The following CBX1 variants were observed in gnomAD, a reference collection of about 807,000 sequenced individuals.
CBX1 encodes the protein chromobox protein homolog 1.
Under a neutral mutation model 25.1 loss-of-function variants are expected in CBX1, and 10 were observed. The ratio of observed to expected loss-of-function variants is 0.40; its 90% CI spans 0.25 to 0.68. The LOEUF (loss-of-function observed/expected upper bound fraction) is 0.68. CBX1 is among the 30% of genes least tolerant of loss of function. The pLI, the probability that CBX1 is intolerant of heterozygous loss-of-function variation, is 0.40. For missense variants in CBX1, 106 were observed against 218.5 expected, an observed-to-expected ratio of 0.49 and a Z score of 3.25; for synonymous variants, 63 against 79.4, an observed-to-expected ratio of 0.79 and a Z score of 1.10.
In CBX1 at chr17:48,077,088, T is replaced by G. The variant is rs913172992; in HGVS notation, c.-37-47A>C. On this transcript the variant is annotated intron_variant, in intron 1 of 4. Coordinates refer to ENST00000225603, the MANE Select transcript of CBX1 (RefSeq NM_001127228.2). ...AAAGGGCATTAGGGAGCACTCTTAT[T>G]GGTTAGATAATATCTGGATGGTAAG... 1.7e-4 allele frequency: 250 copies of G among 1,440,516 alleles called. 1 individual carries two copies. The highest frequency in any genetic ancestry group is 9.4e-5 in the Non-Finnish European group (100 of 1,060,844). 89.2% of individuals were successfully genotyped at this position (1,440,516 alleles called of 1,614,324 possible).
At chr17:48,088,646 T>C (rs1185127074) in intron 1 of CBX1, 1 of 150,032 alleles carries the variant, frequency 6.7e-6, no homozygotes, top group Non-Finnish European at 1.5e-5. Flanking sequence ...AAATAAAAAT[T>C]TCTTACTTTT....
intron 1 of CBX1, among the ~76,000 whole-genome samples, chr17:48,093,085 AAAAAG>A (rs1261698998): frequency 0.16 from 14,845 of 93,362 alleles, 1,942 homozygotes; most frequent in Non-Finnish European, 0.18. Flanking sequence ...AAAAAAAAAA[AAAAAG>A]AAAAGAAAAG....
At chr17:48,072,312 G>A (rs1290935268) in intron 4 of CBX1, among the ~76,000 whole-genome samples, 1 of 151,568 alleles carries the variant, frequency 6.6e-6, no homozygotes, top group Non-Finnish European at 1.5e-5. Context: ...CGCCCGGCCC[G>A]TAATAGGATT....
Position 48,070,975 on chromosome 17 carries a change from T to A in CBX1, c.*460A>T, listed in dbSNP as rs967643541. 1 of 152,904 alleles carries A rather than the reference T, an allele frequency of 6.5e-6. No individual in the cohort carries two copies. Among genetic ancestry groups the A allele is most frequent in the Admixed American group, 6.5e-5 (1 of 15,274 alleles). 9.5% of individuals were successfully genotyped at this position (152,904 alleles called of 1,614,324 possible). ...ATCAAAATGATGCTACCCATCTCCCTTTCTCCCCTCCCCATCCCTCCCTCC... is the reference window on the plus strand; with the variant it reads ...ATCAAAATGATGCTACCCATCTCCCATTCTCCCCTCCCCATCCCTCCCTCC... On this transcript the variant is annotated 3_prime_UTR_variant, in exon 5 of 5. Transcript: ENST00000225603.
intron 1 of CBX1, among the ~76,000 whole-genome samples, chr17:48,091,535 CTTTTTTTTTTT>C (rs4053473): frequency 4.2e-5 from 3 of 72,188 alleles, no homozygotes; most frequent in Admixed American, 1.9e-4. Context: ...CCACCATGCC[CTTTTTTTTTTT>C]TTTTTTTTTT....
At chr17:48,087,663 T>C (rs2063320236) in intron 1 of CBX1, among the ~76,000 whole-genome samples, 1 of 151,186 alleles carries the variant, frequency 6.6e-6, no homozygotes, top group Non-Finnish European at 1.5e-5. Context: ...CACTAGGTCA[T>C]GAGATCGAGA....
Position 48,071,423 on chromosome 17 carries a change from T to C in CBX1, c.*12A>G, listed in dbSNP as rs748954073. On this transcript the variant is annotated 3_prime_UTR_variant, in exon 5 of 5. Transcript: ENST00000225603. Reference sequence around the variant, plus strand: ...CACAGTCAGATGTGACAGGGGCTGGTACTCAGGAGCGTTAGTTCTTGTCAT... The same window carrying C: ...CACAGTCAGATGTGACAGGGGCTGGCACTCAGGAGCGTTAGTTCTTGTCAT... 8.7e-6 allele frequency: 14 copies of C among 1,600,166 alleles called. No homozygotes were observed. Among genetic ancestry groups the C allele is most frequent in the Non-Finnish European group, 1.2e-5 (14 of 1,174,118 alleles).
chr17:48,086,180 T>G (rs117988611), intron 1 of CBX1, among the ~76,000 whole-genome samples: 7,990 of 152,260 alleles, frequency 0.052, 299 homozygotes, highest in Middle Eastern at 0.078. Flanking sequence ...TAGCTCAATT[T>G]TAAGAGAAAG....
chr17:48,093,077 AAAAAAAAAAAAAG>A (rs1344835142), intron 1 of CBX1, among the ~76,000 whole-genome samples: 2 of 103,610 alleles, frequency 1.9e-5, no homozygotes, highest in Non-Finnish European at 2.2e-5. Context: ...TCTCAAAAAA[AAAAAAAAAAAAAG>A]AAAAGAAAAG....
At chr17:48,088,830 A>G (rs1463882990) in intron 1 of CBX1, 1 of 152,022 alleles carries the variant, frequency 6.6e-6, no homozygotes, top group Non-Finnish European at 1.5e-5. Flanking sequence ...ACATTATTCC[A>G]TAAAGATCTC....
At position 48,070,154 on chromosome 17, in the gene CBX1, A is replaced by T. The variant is rs1449014729; in HGVS notation, c.*1281T>A. 6.5e-6 allele frequency: 1 copy of T among 152,698 alleles called. No homozygotes were observed. The highest frequency in any genetic ancestry group is 2.4e-5 in the African/African-American group (1 of 41,474). The allele number at this position is 152,698 out of a possible 1,614,324, so 9.5% of individuals were successfully genotyped here. A position where few individuals can be genotyped will look rare whatever the true frequency, so the allele number is the denominator to read the frequency against. ...ACACAGAAATCTAACACATGCCTAA[A>T]AGAATTTTACAACGTAGCTCTAGAT... On this transcript the variant is annotated 3_prime_UTR_variant, in exon 5 of 5. Transcript: ENST00000225603.
chr17:48,095,443 G>T (rs1186474946), intron 1 of CBX1, among the ~76,000 whole-genome samples: 1 of 152,098 alleles, frequency 6.6e-6, no homozygotes, highest in African/African-American at 2.4e-5. Context: ...TGCAAAATTA[G>T]CTGGGCATGG....
At chr17:48,093,085 A>C (rs1370615893) in intron 1 of CBX1, among the ~76,000 whole-genome samples, 1 of 93,866 alleles carries the variant, frequency 1.1e-5, no homozygotes, top group African/African-American at 3.6e-5. Context: ...AAAAAAAAAA[A>C]AAAAGAAAAG....
In CBX1 at chr17:48,096,988, C is replaced by T. The variant is rs564218481; in HGVS notation, c.-38+4280G>A. On this transcript the variant is annotated intron_variant, in intron 1 of 4. Transcript: ENST00000225603. ...ACCACAAGTTGGGCGTGGTGGCTCACGCCTGTAATCTCTGCACTTTGGAGG... is the reference window on the plus strand; with the variant it reads ...ACCACAAGTTGGGCGTGGTGGCTCATGCCTGTAATCTCTGCACTTTGGAGG... Among the ~76,000 whole-genome samples the T allele has an allele frequency of 7.9e-5, 12 of 152,100 alleles. No homozygotes were observed. The South Asian group carries it at 1.7e-3, about 21-fold the overall frequency.
chr17:48,084,912 A>C (rs1274794384), intron 1 of CBX1, among the ~76,000 whole-genome samples: 1 of 150,580 alleles, frequency 6.6e-6, no homozygotes, highest in Admixed American at 6.6e-5. Context: ...TCCGTCTCAC[A>C]AAAAAAAACA....
chr17:48,084,905 G>A (rs55895310), intron 1 of CBX1, among the ~76,000 whole-genome samples: 4,261 of 149,632 alleles, frequency 0.028, 246 homozygotes, highest in African/African-American at 0.1. Context: ...GCGAGACTCC[G>A]TCTCACAAAA....
chr17:48,071,474 G>A lies in CBX1; in HGVS notation c.519C>T (p.Tyr173=), dbSNP rs761636683. 2.9e-5 allele frequency: 46 copies of A among 1,613,094 alleles called. No individual in the cohort carries two copies. Among genetic ancestry groups the A allele is most frequent in the Non-Finnish European group, 3.6e-5 (42 of 1,179,612 alleles). The change falls in exon 5 of 5, where the codon TAC becomes TAT. Residue 173 remains tyrosine (Y), a synonymous_variant. Transcript: ENST00000225603. ...CTTTTTTGTCATCATCCTCCGAGGGGTAGGAATGCCACGTCAGCCTTTCCT... is the reference window on the plus strand; with the variant it reads ...CTTTTTTGTCATCATCCTCCGAGGGATAGGAATGCCACGTCAGCCTTTCCT... ...FYEERLTWHS[Y]PSEDDDKKDD... is the part of the protein sequence containing the mutation.
chr17:48,101,366 C>T lies in CBX1; in HGVS notation c.-136G>A. The stretch of plus-strand genomic sequence containing the variant: ...GAGTGGCGCCCAGGAAGGCAGCAAG[C>T]CGGGTGGCCGCAGTGGCGTCCCTCA... On this transcript the variant is annotated 5_prime_UTR_variant, in exon 1 of 5. Coordinates refer to ENST00000225603, the MANE Select transcript of CBX1 (RefSeq NM_001127228.2). The T allele has an allele frequency of 1.0e-6, 1 of 985,928 alleles. No homozygotes were observed. Among genetic ancestry groups the T allele is most frequent in the Non-Finnish European group, 1.2e-6 (1 of 830,158 alleles). The allele number at this position is 985,928 out of a possible 1,614,324, so 61.1% of individuals were successfully genotyped here. A position where few individuals can be genotyped will look rare whatever the true frequency, so the allele number is the denominator to read the frequency against.
intron 3 of CBX1, among the ~76,000 whole-genome samples, chr17:48,075,501 A>G (rs528033289): frequency 6.6e-6 from 1 of 152,102 alleles, no homozygotes; most frequent in Non-Finnish European, 1.5e-5. Context: ...CCCAATCACA[A>G]ACTCTTTTGC....
Sources: gnomAD v4.1 joint callset for allele counts (sites outside exome capture counted in the v4.1 genomes callset) on GRCh38, gnomAD v4.1.1 for gene constraint, MANE v1.5 for transcripts, NCBI Gene and HGNC (gene_info 2026-07-23, HGNC 2026-07-21) for gene names.